Variants in SEC16A observed in about 807,000 individuals in gnomAD.
SEC16A encodes the protein protein transport protein Sec16A.
A neutral mutation model predicts 221.9 loss-of-function variants in SEC16A; 110 were observed. The ratio of observed to expected loss-of-function variants is 0.50; its 90% confidence interval spans 0.42 to 0.58. The LOEUF is 0.58. SEC16A is among the 20% of genes least tolerant of loss of function. The probability of loss-of-function intolerance (pLI) is 0.00; values close to 1 mark genes in which losing one functional copy is unlikely to be tolerated. For synonymous variants in SEC16A, 1,393 were observed against 1,257.7 expected, an observed-to-expected ratio of 1.11 and a Z score of -2.28; for missense variants, 3,165 against 3,097.8, an observed-to-expected ratio of 1.02 and a Z score of -0.52.
Position 136,447,321 on chromosome 9 carries a change from C to T in SEC16A, c.6603G>A (p.Gly2201=), listed in dbSNP as rs371413495. 5.6e-6 allele frequency: 9 copies of T among 1,595,734 alleles called. No homozygotes were observed. The highest frequency in any genetic ancestry group is 7.7e-6 in the Non-Finnish European group (9 of 1,172,156). Residue 2201 remains glycine (G), a synonymous_variant, in exon 27 of 32, where the codon GGG becomes GGA. Transcript: ENST00000684901. This position sits in a 1 kb window ranked among gnomAD's most constrained non-coding sequence, Gnocchi z 5.5. ...CGAGAGCCGGCTCGCTCCGCTGGGT[C>T]CCGCTTGGGTTCAGGACGTCAACGT... The part of the protein sequence containing the change: ...ARYVDVLNPS[G]TQRSEPALAP...
At chr9:136,481,285 G>A (rs900359661) in intron 1 of SEC16A, among the ~76,000 whole-genome samples, 5 of 151,820 alleles carry the variant, frequency 3.3e-5, no homozygotes, top group Non-Finnish European at 7.4e-5. Context: ...ACAGGCGCCC[G>A]CCACCTCGCC....
intron 9 of SEC16A, among the ~76,000 whole-genome samples, chr9:136,464,091 C>A (rs76702593): frequency 4.6e-5 from 7 of 151,946 alleles, no homozygotes; most frequent in African/African-American, 1.4e-4. Context: ...ACCCGCCCCC[C>A]TCACCTGGGC....
intron 29 of SEC16A, 129 bp downstream of exon 29, chr9:136,445,516 C>A: frequency 1.4e-6 from 1 of 713,924 alleles, no homozygotes; most frequent in South Asian, 1.7e-5. Flanking sequence ...ACACCACCTT[C>A]GAGGTGCTCT....
At chr9:136,470,429 G>A (rs1840707802) in intron 4 of SEC16A, among the ~76,000 whole-genome samples, 1 of 152,298 alleles carries the variant, frequency 6.6e-6, no homozygotes, top group South Asian at 2.1e-4. Context: ...TCTCTCCTCC[G>A]TGCTCTCGCC....
rs1448414201 is a variant in SEC16A at position 136,478,837 on chromosome 9, T to TA, written c.-191-8dup. 6.6e-5 allele frequency among the ~76,000 whole-genome samples: 10 copies of TA among 152,158 alleles called. No homozygotes were observed. The highest frequency in any genetic ancestry group is 1.2e-4 in the Non-Finnish European group (8 of 68,026). Reference sequence around the variant, plus strand: ...CAACAGAGCAAGACGGTCTCTATTTTAAAAAAATAAATAAATAAAAAGTGA... The same window carrying TA: ...CAACAGAGCAAGACGGTCTCTATTTTAAAAAAAATAAATAAATAAAAAGTGA... On this transcript the variant is annotated splice_region_variant and splice_polypyrimidine_tract_variant and intron_variant, in intron 1 of 31. Transcript: ENST00000684901.
At position 136,476,495 on chromosome 9, in the gene SEC16A, A is replaced by C; in HGVS notation, c.1121T>G (p.Met374Arg). 6.2e-7 allele frequency: 1 copy of C among 1,613,186 alleles called. No homozygotes were observed. The highest frequency in any genetic ancestry group is 8.5e-7 in the Non-Finnish European group (1 of 1,179,742). Residue 374 changes from methionine to arginine, a missense_variant, in exon 3 of 32, where the codon ATG (methionine) becomes AGG (arginine). By Grantham distance (91) the Met-to-Arg change is moderately conservative. Transcript: ENST00000684901. ...TTCTGTCTCTCCCCCTTGGAAAAAC[A>C]TCGCCAGAGCTCCTGAAGCTCCTGA... ...ADSGASGALA[M>R]FFQGGETENE...
At chr9:136,461,490 TTGC>T (rs1839474183) in intron 12 of SEC16A, among the ~76,000 whole-genome samples, 1 of 152,218 alleles carries the variant, frequency 6.6e-6, no homozygotes, top group African/African-American at 2.4e-5. Flanking sequence ...TTGTAGATAT[TTGC>T]TGCTTTTATC....
At chr9:136,480,458 C>A (rs1383851684) in intron 1 of SEC16A, among the ~76,000 whole-genome samples, 1 of 152,206 alleles carries the variant, frequency 6.6e-6, no homozygotes, top group East Asian at 1.9e-4. Context: ...TGGCTCGAGG[C>A]AGCCACTCCT....
chr9:136,473,992 C>A, intron 3 of SEC16A, 57 bp downstream of exon 3: 1 of 1,525,706 alleles, frequency 6.6e-7, no homozygotes, highest in Non-Finnish European at 8.9e-7. Flanking sequence ...GTGAGTGAGA[C>A]TCAACTGGTC....
Position 136,477,643 on chromosome 9 carries a change from G to T in SEC16A, c.-28C>A. 1 of 1,567,994 alleles carries T rather than the reference G, an allele frequency of 6.4e-7. No individual in the cohort carries two copies. On this transcript the variant is annotated 5_prime_UTR_variant, in exon 3 of 32. Transcript: ENST00000684901. Reference sequence around the variant, plus strand: ...CTGAACCCTTGCACAAGTCGATGCTGCTTACAGAAGGAAGCAGGATATAGC... The same window carrying T: ...CTGAACCCTTGCACAAGTCGATGCTTCTTACAGAAGGAAGCAGGATATAGC...
chr9:136,442,685 G>A (rs1836361996), intron 31 of SEC16A, among the ~76,000 whole-genome samples: 1 of 152,358 alleles, frequency 6.6e-6, no homozygotes, highest in Admixed American at 6.5e-5. Context: ...AAGCCCTCCA[G>A]GTCCCAGGGA....
rs1032109053 is a variant in SEC16A, at chr9:136,474,375, G to C, written c.3241C>G (p.Leu1081Val). 2 of 1,612,672 alleles carry C rather than the reference G, an allele frequency of 1.2e-6. No individual in the cohort carries two copies. The highest frequency in any genetic ancestry group is 1.7e-5 in the Admixed American group (1 of 60,012). ...GCGGGCAGACTTTCTGGATTTGACA[G>C]CTCCGAAAACATGGCTTTGGGTAGT... Reference protein sequence around the residue: ...PQLPKAMFSELSNPESLPAQG... With the variant: ...PQLPKAMFSEVSNPESLPAQG... Residue 1081 changes from leucine (L) to valine (V), a missense_variant, in exon 3 of 32, where the codon CTG (leucine) becomes GTG (valine). Leu to Val is a conservative substitution (Grantham distance 32, BLOSUM62 1). This residue lies in a region of SEC16A where 2,030 missense variants were observed against 1,923.1 expected (regional missense o/e 1.06). Transcript: ENST00000684901.
chr9:136,471,938 T>C, intron 4 of SEC16A, 37 bp downstream of exon 4: 1 of 1,607,534 alleles, frequency 6.2e-7, no homozygotes, highest in East Asian at 2.2e-5. Flanking sequence ...TGGGTCTGAG[T>C]AGGACAGAGA....
At chr9:136,473,899 C>T (rs1264697138) in intron 3 of SEC16A, 150 bp downstream of exon 3, 8 of 826,520 alleles carry the variant, frequency 9.7e-6, no homozygotes, top group African/African-American at 1.7e-5. Flanking sequence ...CCTCAGGAAG[C>T]GTTACTGGAA....
chr9:136,483,486 T>A, upstream of SEC16A: 58 of 796,380 alleles, frequency 7.3e-5, no homozygotes, highest in South Asian at 1.3e-4. Context: ...CCCGCCCCCC[T>A]CCGGCGTCCG....
At chr9:136,478,596 G>A (rs1841945224) in intron 2 of SEC16A, among the ~76,000 whole-genome samples, 113 bp downstream of exon 2, 1 of 152,136 alleles carries the variant, frequency 6.6e-6, no homozygotes, top group Admixed American at 6.5e-5. Flanking sequence ...AGCACTTTGG[G>A]AGGTCAAGGT....
At position 136,476,580 on chromosome 9, in the gene SEC16A, G is replaced by T; in HGVS notation, c.1036C>A (p.Arg346Ser). The T allele has an allele frequency of 6.2e-7, 1 of 1,606,582 alleles. No homozygotes were observed. Among genetic ancestry groups the T allele is most frequent in the Non-Finnish European group, 8.5e-7 (1 of 1,174,932 alleles). Residue 346 changes from arginine to serine, a missense_variant, in exon 3 of 32, where the codon CGT (arginine) becomes AGT (serine). Coordinates refer to ENST00000684901, the MANE Select transcript of SEC16A (RefSeq NM_014866.2). Reference protein sequence around the residue: ...PLARGDSPENRTHHPLGAGAG... With the variant: ...PLARGDSPENSTHHPLGAGAG... ...CCAGCCCCCAGTGGGTGGTGCGTAC[G>T]GTTTTCTGGGCTATCTCCCCGGGCG...
chr9:136,466,067 G>A lies in SEC16A; in HGVS notation c.4198C>T (p.His1400Tyr). 1 of 1,613,182 alleles carries A rather than the reference G, an allele frequency of 6.2e-7. No homozygotes were observed. The highest frequency in any genetic ancestry group is 8.5e-7 in the Non-Finnish European group (1 of 1,179,610). The change falls in exon 8 of 32, where the codon CAC (histidine) becomes TAC (tyrosine). Residue 1400 changes from histidine (H) to tyrosine (Y), a missense_variant. His to Tyr is a moderately conservative substitution (Grantham distance 83, BLOSUM62 2). Around this residue, in one of 3 missense-constraint regions of SEC16A, gnomAD observed 2,030 missense variants for 1,923.1 expected, o/e 1.06. Transcript: ENST00000684901. The surrounding 1 kb of genome is among the most constrained non-coding windows in gnomAD (Gnocchi z 5.5). The stretch of plus-strand genomic sequence containing the variant: ...TAGGTGCCGTAGGCAAAATCGCCGT[G>A]AAAGGAGCCTGGAGGAAGCGGGGCC... The part of the protein sequence containing the change: ...YEAPLPPGSF[H>Y]GDFAYGTYRS...
chr9:136,447,439 G>A lies in SEC16A; in HGVS notation c.6560-75C>T. ...AGCTTCCAAATGCTCTGCGCTCACT[G>A]CGTCAGAGGAAAAGCACGCAGGGAC... On this transcript the variant is annotated intron_variant, in intron 26 of 31. Coordinates refer to ENST00000684901, the MANE Select transcript of SEC16A (RefSeq NM_014866.2). The surrounding 1 kb of genome is among the most constrained non-coding windows in gnomAD (Gnocchi z 5.5). 6.4e-7 allele frequency: 1 copy of A among 1,572,036 alleles called. No individual in the cohort carries two copies.
Sources: allele counts gnomAD v4.1 joint callset (sites outside exome capture counted in the v4.1 genomes callset), GRCh38; gene constraint gnomAD v4.1.1; regional missense constraint gnomAD v4.1.1; non-coding constraint Gnocchi (gnomAD v3.1); transcripts MANE v1.5; gene names NCBI Gene and HGNC (gene_info 2026-07-23, HGNC 2026-07-21).